AKR1C3: variants seen among roughly 807,000 people sequenced by gnomAD.
AKR1C3 encodes the protein 3-alpha hydroxysteroid dehydrogenase, type II.
Under a neutral mutation model 43.6 loss-of-function variants are expected in AKR1C3, and 48 were observed. The ratio of observed to expected loss-of-function variants is 1.10; its 90% confidence interval spans 0.87 to 1.40. The LOEUF is 1.40. Ranked by LOEUF, AKR1C3 falls within the 40% of genes most tolerant of loss-of-function variation. The pLI is 0.00. For synonymous variants in AKR1C3, 162 were observed against 139.6 expected (o/e 1.16, Z -1.13); for missense variants, 482 against 391.2 (o/e 1.23, Z -1.96).
intron 1 of AKR1C3, among the ~76,000 whole-genome samples, chr10:5,088,955 G>A (rs375564344): frequency 1.3e-5 from 2 of 151,910 alleles, no homozygotes; most frequent in East Asian, 3.9e-4. Context: ...TTATATTTAA[G>A]ATTCCTCTGA....
intron 1 of AKR1C3, among the ~76,000 whole-genome samples, chr10:5,057,656 T>C (rs1230817395): frequency 6.6e-6 from 1 of 152,194 alleles, no homozygotes; most frequent in Admixed American, 6.5e-5. Context: ...TTAGTCCTTC[T>C]AGAACACAGG....
At chr10:5,076,900 G>C (rs1838726827) in intron 1 of AKR1C3, among the ~76,000 whole-genome samples, 1 of 152,068 alleles carries the variant, frequency 6.6e-6, no homozygotes, top group African/African-American at 2.4e-5. Context: ...TGGCTACTTG[G>C]CGCACATAAT....
chr10:5,098,828 T>G lies in AKR1C3; in HGVS notation c.396T>G (p.Asp132Glu). Residue 132 changes from aspartate (D) to glutamate (E), a missense_variant, in exon 4 of 9, where the codon GAT becomes GAG. Asp to Glu is a conservative substitution (Grantham distance 45, BLOSUM62 2). Transcript: ENST00000380554. ...CAGGTGAGGAACTTTCACCAACAGA[T>G]GAAAATGGAAAAGTAATATTTGACA... ...LKPGEELSPT[D>E]ENGKVIFDIV... is the part of the protein sequence containing the mutation. The G allele has an allele frequency of 6.2e-7, 1 of 1,613,772 alleles. No homozygotes were observed.
At chr10:5,051,422 C>A (rs188683780) in intron 1 of AKR1C3, among the ~76,000 whole-genome samples, 1 of 152,078 alleles carries the variant, frequency 6.6e-6, no homozygotes, top group South Asian at 2.1e-4. Flanking sequence ...GTATTAAGTT[C>A]CAGGCAGGGG....
At chr10:5,076,901 C>A (rs11252920) in intron 1 of AKR1C3, among the ~76,000 whole-genome samples, 46,041 of 151,894 alleles carry the variant, frequency 0.3, 7,128 homozygotes, top group Middle Eastern at 0.45. Context: ...GGCTACTTGG[C>A]GCACATAATG....
chr10:5,070,510 A>G (rs1451645486), intron 1 of AKR1C3, among the ~76,000 whole-genome samples: 1 of 152,230 alleles, frequency 6.6e-6, no homozygotes, highest in Non-Finnish European at 1.5e-5. Context: ...TGTACACACT[A>G]TGTAAATGAA....
At chr10:5,083,064 T>G (rs2131819734) in intron 1 of AKR1C3, among the ~76,000 whole-genome samples, 1 of 119,486 alleles carries the variant, frequency 8.4e-6, no homozygotes, top group East Asian at 2.5e-4. Flanking sequence ...GGAATTTATC[T>G]ATTTTCTCTA....
At chr10:5,074,077 T>TGTC (rs1838662327) in intron 1 of AKR1C3, among the ~76,000 whole-genome samples, 1 of 152,030 alleles carries the variant, frequency 6.6e-6, no homozygotes, top group South Asian at 2.1e-4. Context: ...TGTAACCATT[T>TGTC]GTCTCTTATC....
chr10:5,099,703 C>CT (rs1333612174), intron 5 of AKR1C3: 4 of 533,212 alleles, frequency 7.5e-6, no homozygotes, highest in Non-Finnish European at 1.3e-5. Context: ...TCAGGGAGGC[C>CT]TGGAATCATC....
Position 5,074,819 on chromosome 10 carries a change from T to C in AKR1C3, c.85-21591T>C, listed in dbSNP as rs115057805. ...GTGATACAAATCCATAGCTTATCTT[T>C]ACAGTTGCGGTCACCCCACAGACAC... On this transcript the variant is annotated intron_variant, in intron 1 of 8. Transcript: ENST00000439082. Among the ~76,000 whole-genome samples, 578 of 152,322 alleles carry C rather than the reference T, an allele frequency of 3.8e-3. 6 individuals are homozygous for C. Among genetic ancestry groups the C allele is most frequent in the African/African-American group, 0.013 (550 of 41,578 alleles).
chr10:5,080,411 G>T (rs1214606036), intron 1 of AKR1C3, among the ~76,000 whole-genome samples: 1 of 152,100 alleles, frequency 6.6e-6, no homozygotes, highest in Non-Finnish European at 1.5e-5. Context: ...ATTGCTTGAG[G>T]CCAGGAGTTC....
At chr10:5,104,783 A>T in intron 7 of AKR1C3, among the ~76,000 whole-genome samples, 1 of 152,250 alleles carries the variant, frequency 6.6e-6, no homozygotes, top group East Asian at 1.9e-4. Context: ...AACCATATGT[A>T]TTTTTAAATA....
intron 1 of AKR1C3, among the ~76,000 whole-genome samples, chr10:5,074,337 A>T (rs192817780): frequency 6.6e-6 from 1 of 152,316 alleles, no homozygotes; most frequent in East Asian, 1.9e-4. Flanking sequence ...TTGGGGGTCC[A>T]TACTCTAAAA....
intron 1 of AKR1C3, among the ~76,000 whole-genome samples, chr10:5,083,982 T>C (rs886838998): frequency 2.0e-5 from 3 of 152,246 alleles, no homozygotes. Flanking sequence ...ATATTAGCCC[T>C]TTGTCAGATA....
chr10:5,055,633 C>T (rs1554779465), intron 1 of AKR1C3, among the ~76,000 whole-genome samples: 4 of 152,074 alleles, frequency 2.6e-5, no homozygotes, highest in Admixed American at 1.3e-4. Flanking sequence ...GGTTGTCCCA[C>T]GAGTCTGAGT....
rs782458578 is a variant in AKR1C3 at position 5,097,449 on chromosome 10, C to T, written c.268C>T (p.His90Tyr). The change falls in exon 3 of 9, where the codon CAT becomes TAT. Residue 90 changes from histidine to tyrosine, a missense_variant. Physicochemically the swap from His to Tyr is moderately conservative, Grantham distance 83. Transcript: ENST00000380554. ...ACCTCTGCAGCTTTGGTCCACTTTT[C>T]ATCGACCAGAGTTGGTCCGACCAGC... ...FYTSKLWSTF[H>Y]RPELVRPALE... 2 of 1,613,646 alleles carry T rather than the reference C, an allele frequency of 1.2e-6. No individual in the cohort carries two copies. Among genetic ancestry groups the T allele is most frequent in the Admixed American group, 3.3e-5 (2 of 59,948 alleles).
intron 1 of AKR1C3, among the ~76,000 whole-genome samples, chr10:5,057,758 T>C (rs1237514084): frequency 6.6e-6 from 1 of 152,176 alleles, no homozygotes; most frequent in African/African-American, 2.4e-5. Flanking sequence ...TGGTAGGGAA[T>C]TTGTCCCTTT....
intron 3 of AKR1C3, chr10:5,098,242 C>T (rs1839260042): frequency 2.1e-6 from 2 of 943,998 alleles, no homozygotes; most frequent in Admixed American, 1.2e-4. Flanking sequence ...CTATTCTTAT[C>T]TCTAAACTCC....
chr10:5,065,358 T>C (rs1838479265), intron 1 of AKR1C3, among the ~76,000 whole-genome samples: 2 of 152,206 alleles, frequency 1.3e-5, no homozygotes, highest in Admixed American at 6.5e-5. Flanking sequence ...TCAAATTAAA[T>C]GCCTGTCAAC....
Sources: allele counts gnomAD v4.1 joint callset (sites outside exome capture counted in the v4.1 genomes callset), GRCh38; gene constraint gnomAD v4.1.1; transcripts MANE v1.5; gene names NCBI Gene and HGNC (gene_info 2026-07-23, HGNC 2026-07-21).